The following TMX4 variants were observed in gnomAD, a reference collection of about 807,000 sequenced individuals.
TMX4 encodes thioredoxin related transmembrane protein 4.
A neutral mutation model predicts 33.3 loss-of-function variants in TMX4; 23 were observed. That is an observed-to-expected ratio of 0.69 (90% CI 0.50 to 0.98). The LOEUF (loss-of-function observed/expected upper bound fraction) is 0.98. TMX4 is among the 50% of genes least tolerant of loss of function. The pLI is 0.00. For missense variants in TMX4, 399 were observed against 448.9 expected, an observed-to-expected ratio of 0.89 and a Z score of 1.01; for synonymous variants, 164 against 161.5, an observed-to-expected ratio of 1.02 and a Z score of -0.12.
chr20:7,985,279 T>TATA lies in TMX4; in HGVS notation c.616-1423_616-1422insTAT, dbSNP rs1568533383. On this transcript the variant is annotated intron_variant, in intron 6 of 7. Transcript: ENST00000246024. ...TGTGTATATATATATATATATATAT[T>TATA]TTTTTTTTTTTTGAGACAGGGTCTA... Among the ~76,000 whole-genome samples, 195 of 123,668 alleles carry TATA rather than the reference T, an allele frequency of 1.6e-3. 1 individual carries two copies. The highest frequency in any genetic ancestry group is 5.8e-3 in the African/African-American group (184 of 31,936). The allele number at this position is 123,668 out of a possible 152,430, so 81.1% of individuals were successfully genotyped here.
rs1428803412 is a variant in TMX4 at position 7,983,835 on chromosome 20, C to T, written c.638G>A (p.Cys213Tyr). The T allele has an allele frequency of 1.9e-6, 3 of 1,613,528 alleles. No individual in the cohort carries two copies. Among genetic ancestry groups the T allele is most frequent in the Non-Finnish European group, 1.7e-6 (2 of 1,179,794 alleles). The change falls in exon 7 of 8, where the codon TGT becomes TAT. Residue 213 changes from cysteine to tyrosine, a missense_variant. Transcript: ENST00000246024. ...MGLVLVVISECFYVPLPRHLS... is the reference protein window; with the variant it reads ...MGLVLVVISEYFYVPLPRHLS... ...ATGCCTTGGAAGTGGCACATAGAAA[C>T]ATTCTGATATTACCACCAAGACCTG...
chr20:7,990,005 A>T (rs369338329), intron 5 of TMX4, among the ~76,000 whole-genome samples: 16 of 152,300 alleles, frequency 1.1e-4, no homozygotes, highest in African/African-American at 3.9e-4. Context: ...ATAAGAAAGT[A>T]TCTTACTCGG....
chr20:8,009,861 T>TAAAAAA (rs11289988), intron 2 of TMX4, among the ~76,000 whole-genome samples: 10 of 84,600 alleles, frequency 1.2e-4, no homozygotes, highest in East Asian at 6.0e-4. Flanking sequence ...CAAAAAACTG[T>TAAAAAA]AAAAAAAAAA....
chr20:8,016,838 A>G (rs934522879), intron 1 of TMX4, among the ~76,000 whole-genome samples: 3 of 152,216 alleles, frequency 2.0e-5, no homozygotes, highest in Admixed American at 1.3e-4. Flanking sequence ...GTTAACTACA[A>G]CAAAAGCTTC....
chr20:8,008,521 GAAGGA>G lies in TMX4; in HGVS notation c.292+1674_292+1678del, dbSNP rs557034934. Among the ~76,000 whole-genome samples, 669 of 152,160 alleles carry G rather than the reference GAAGGA, an allele frequency of 4.4e-3. 6 individuals carry two copies. The highest frequency in any genetic ancestry group is 0.014 in the African/African-American group (594 of 41,532). ...AAATAACTGTAAGTCTACATTTTTAGAAGGAAAGACTATATTTAATTAAACATAAG... is the reference window on the plus strand; with the variant it reads ...AAATAACTGTAAGTCTACATTTTTAGAAGACTATATTTAATTAAACATAAG... On this transcript the variant is annotated intron_variant, in intron 2 of 7. Coordinates refer to ENST00000246024, the MANE Select transcript of TMX4 (RefSeq NM_021156.4).
At chr20:7,988,720 C>A (rs1182704611) in intron 5 of TMX4, among the ~76,000 whole-genome samples, 1 of 152,190 alleles carries the variant, frequency 6.6e-6, no homozygotes, top group Non-Finnish European at 1.5e-5. Context: ...TTAGCCAGGA[C>A]AACTGTTTAT....
rs1174863093 is a variant in TMX4, at chr20:7,978,303, T to C, written c.*3948A>G. The C allele has an allele frequency of 2.6e-5, 4 of 152,340 alleles. No homozygotes were observed. In the East Asian group the frequency reaches 7.7e-4, roughly 29 times the overall value. 9.4% of individuals were successfully genotyped at this position (152,340 alleles called of 1,614,324 possible). Reference sequence around the variant, plus strand: ...TGAAATCTCAGGTTTGCCGTAACTTTTCCACCTTTTTTTAAAATTTATTTT... The same window carrying C: ...TGAAATCTCAGGTTTGCCGTAACTTCTCCACCTTTTTTTAAAATTTATTTT... On this transcript the variant is annotated 3_prime_UTR_variant, in exon 8 of 8. Transcript: ENST00000246024.
intron 5 of TMX4, among the ~76,000 whole-genome samples, chr20:7,995,370 A>T (rs1462348081): frequency 6.6e-6 from 1 of 152,350 alleles, no homozygotes; most frequent in East Asian, 1.9e-4. Context: ...GTTATGGGAC[A>T]TACTCAACAT....
chr20:7,988,679 T>C (rs1438535249), intron 5 of TMX4, among the ~76,000 whole-genome samples: 1 of 152,224 alleles, frequency 6.6e-6, no homozygotes, highest in African/African-American at 2.4e-5. Flanking sequence ...GCATCTGTCC[T>C]CTGTTGATGG....
At chr20:8,008,915 C>G (rs887139576) in intron 2 of TMX4, among the ~76,000 whole-genome samples, 8 of 152,122 alleles carry the variant, frequency 5.3e-5, no homozygotes. Context: ...ATAGAAATCT[C>G]GCTCCACGGG....
Position 8,010,324 on chromosome 20 carries a change from G to T in TMX4, c.177-9C>A. 1 of 1,571,872 alleles carries T rather than the reference G, an allele frequency of 6.4e-7. No individual in the cohort carries two copies. The highest frequency in any genetic ancestry group is 8.7e-7 in the Non-Finnish European group (1 of 1,149,596). ...GACACCATGGGGCGTAACTATAAGAGAAGAATAAGAATTATATTGATAAAT... is the reference window on the plus strand; with the variant it reads ...GACACCATGGGGCGTAACTATAAGATAAGAATAAGAATTATATTGATAAAT... On this transcript the variant is annotated splice_polypyrimidine_tract_variant and intron_variant, in intron 1 of 7. Transcript: ENST00000246024.
intron 1 of TMX4, 58 bp from the exon 2 acceptor site, chr20:8,010,373 G>C: frequency 1.9e-6 from 2 of 1,058,628 alleles, no homozygotes; most frequent in Non-Finnish European, 2.6e-6. Context: ...CTGCAAAACA[G>C]AGAAATCGAG....
chr20:8,018,924 C>A, intron 1 of TMX4: 1 of 408,052 alleles, frequency 2.5e-6, no homozygotes. Context: ...ACACAAATGG[C>A]CTGCCTTCAC....
rs202200332 is a variant in TMX4, at chr20:7,999,732, G to A, written c.467C>T (p.Thr156Met). The A allele has an allele frequency of 5.0e-5, 80 of 1,610,060 alleles. No homozygotes were observed. The highest frequency in any genetic ancestry group is 7.8e-5 in the South Asian group (7 of 90,032). ...LTGWKSPASL[T>M]MSGMAGLFSI... ...ACCTTGTCTTAAAAAATTGAGTTACGTTAGAGAAGCCGGGGATTTCCAGCC... is the reference window on the plus strand; with the variant it reads ...ACCTTGTCTTAAAAAATTGAGTTACATTAGAGAAGCCGGGGATTTCCAGCC... Residue 156 changes from threonine (T) to methionine (M), a missense_variant and splice_region_variant, in exon 4 of 8, where the codon ACG becomes ATG. Coordinates refer to ENST00000246024, the MANE Select transcript of TMX4 (RefSeq NM_021156.4).
intron 4 of TMX4, among the ~76,000 whole-genome samples, chr20:7,999,125 A>T (rs2050690772): frequency 1.3e-5 from 2 of 152,166 alleles, no homozygotes; most frequent in Non-Finnish European, 2.9e-5. Context: ...CTTTTTCAGT[A>T]GGGAAATTTC....
At chr20:7,999,447 T>C (rs1179679299) in intron 4 of TMX4, among the ~76,000 whole-genome samples, 2 of 152,340 alleles carry the variant, frequency 1.3e-5, no homozygotes, top group East Asian at 1.9e-4. Flanking sequence ...ATACCATATT[T>C]TGTAAAGAGA....
rs57549962 is a variant in TMX4 at position 7,996,472 on chromosome 20, C to T, written c.468-401G>A. On this transcript the variant is annotated intron_variant, in intron 4 of 7. Transcript: ENST00000246024. ...CATTTCCTTTTCCTTCTCTTCAAAA[C>T]GTACACATCTTCCCATCCCCATGTA... Among the ~76,000 whole-genome samples the T allele has an allele frequency of 9.8e-3, 1,488 of 152,276 alleles. 47 individuals are homozygous for T. Among genetic ancestry groups the T allele is most frequent in the East Asian group, 0.065 (336 of 5,180 alleles).
At chr20:7,997,757 A>G (rs1326139525) in intron 4 of TMX4, among the ~76,000 whole-genome samples, 1 of 152,364 alleles carries the variant, frequency 6.6e-6, no homozygotes, top group Non-Finnish European at 1.5e-5. Flanking sequence ...GCGCAAAAAT[A>G]AAATTGCTTT....
In TMX4 at chr20:8,009,121, A is replaced by G. The variant is rs193192641; in HGVS notation, c.292+1079T>C. Among the ~76,000 whole-genome samples, 614 of 152,300 alleles carry G rather than the reference A, an allele frequency of 4.0e-3. 6 individuals carry two copies. Among genetic ancestry groups the G allele is most frequent in the African/African-American group, 0.013 (541 of 41,580 alleles). ...TATAAATTGAATGTCAATGAAAAAG[A>G]TGACTGTTAAAATTTGAAAATAGCC... On this transcript the variant is annotated intron_variant, in intron 2 of 7. Transcript: ENST00000246024.
Sources: allele counts gnomAD v4.1 joint callset (sites outside exome capture counted in the v4.1 genomes callset), GRCh38; gene constraint gnomAD v4.1.1; transcripts MANE v1.5; gene names NCBI Gene and HGNC (gene_info 2026-07-23, HGNC 2026-07-21).